The following SHROOM3 variants were observed in gnomAD, a reference collection of about 807,000 sequenced individuals.
The protein encoded by SHROOM3 is protein Shroom3.
A neutral mutation model predicts 138.6 loss-of-function variants in SHROOM3; 47 were observed. The observed-to-expected ratio is 0.34, with a 90% CI of 0.27 to 0.43. The LOEUF (loss-of-function observed/expected upper bound fraction) is 0.43, where lower values mean the gene tolerates loss of function less well. Among genes scored for constraint, SHROOM3 ranks in the 20% least tolerant of loss-of-function variants. SHROOM3 has a pLI of 1.00. For synonymous variants in SHROOM3, 1,062 were observed against 1,063.3 expected (o/e 1.00, Z 0.02); for missense variants, 2,491 against 2,596.5 (o/e 0.96, Z 0.88).
At chr4:76,543,065 C>A (rs1733139919) in intron 1 of SHROOM3, among the ~76,000 whole-genome samples, 1 of 152,212 alleles carries the variant, frequency 6.6e-6, no homozygotes, top group Non-Finnish European at 1.5e-5. Context: ...AACGCTGAAT[C>A]CCTGGGACCA....
At chr4:76,689,835 C>A in intron 2 of SHROOM3, 2 of 818,478 alleles carry the variant, frequency 2.4e-6, no homozygotes, top group Non-Finnish European at 3.0e-6. Flanking sequence ...GGGGCTTTCA[C>A]GGCCAGCACC....
At chr4:76,574,665 A>G (rs1733902147) in intron 2 of SHROOM3, among the ~76,000 whole-genome samples, 2 of 152,232 alleles carry the variant, frequency 1.3e-5, no homozygotes, top group South Asian at 4.1e-4. Flanking sequence ...ATTCTGATAT[A>G]TGCTACAACA....
intron 2 of SHROOM3, among the ~76,000 whole-genome samples, chr4:76,631,056 G>A (rs1419312711): frequency 1.3e-5 from 2 of 152,150 alleles, no homozygotes; most frequent in African/African-American, 4.8e-5. Flanking sequence ...ATAGGGGTAT[G>A]CAGACAACAA....
rs182439382 is a variant in SHROOM3, at chr4:76,585,711, T to C, written c.323+29948T>C. Among the ~76,000 whole-genome samples the C allele has an allele frequency of 1.1e-4, 17 of 152,276 alleles. No homozygotes were observed. In the East Asian group the frequency reaches 3.3e-3, roughly 29 times the overall value. On this transcript the variant is annotated intron_variant, in intron 2 of 10. Coordinates refer to ENST00000296043, the MANE Select transcript of SHROOM3 (RefSeq NM_020859.4). ...TGAGCAGCATCTTTATTATAAATGA[T>C]CTATTTTTATGTCTGTGGTGATTTT...
At chr4:76,768,246 T>C (rs949000855) in intron 9 of SHROOM3, among the ~76,000 whole-genome samples, 1 of 152,226 alleles carries the variant, frequency 6.6e-6, no homozygotes, top group Admixed American at 6.5e-5. Context: ...AGTGTTTATT[T>C]TTCCTGCTGC....
Position 76,741,023 on chromosome 4 carries a change from G to T in SHROOM3, c.2850G>T (p.Ala950=). The change falls in exon 5 of 11, where the codon GCG becomes GCT. Residue 950 remains alanine (A), a synonymous_variant. Coordinates refer to ENST00000296043, the MANE Select transcript of SHROOM3 (RefSeq NM_020859.4). The surrounding 1 kb of genome is among the most constrained non-coding windows in gnomAD (Gnocchi z 6.2). ...GACGTCGAGACCTGGAGCTGGGGGC[G>T]CCCGTGGCGTCGAGGTCCTGGCGGC... ...SFRRRDLELG[A]PVASRSWRPR... 1 of 1,485,032 alleles carries T rather than the reference G, an allele frequency of 6.7e-7. No individual in the cohort carries two copies. The highest frequency in any genetic ancestry group is 1.4e-5 in the South Asian group (1 of 70,874). The allele number at this position is 1,485,032 out of a possible 1,614,324, so 92.0% of individuals were successfully genotyped here. A position where few individuals can be genotyped will look rare whatever the true frequency, so the allele number is the denominator to read the frequency against.
At chr4:76,670,224 G>A (rs1053430363) in intron 2 of SHROOM3, among the ~76,000 whole-genome samples, 3 of 152,214 alleles carry the variant, frequency 2.0e-5, no homozygotes, top group African/African-American at 7.2e-5. Flanking sequence ...AAAATGAAAT[G>A]TTGTATTTCT....
chr4:76,499,898 C>T (rs1353818273), intron 1 of SHROOM3, among the ~76,000 whole-genome samples: 1 of 152,132 alleles, frequency 6.6e-6, no homozygotes, highest in African/African-American at 2.4e-5. Context: ...ATGTGAAGGG[C>T]AAAGCTTAAA....
chr4:76,650,085 A>T (rs1054517574), intron 2 of SHROOM3, among the ~76,000 whole-genome samples: 1 of 152,124 alleles, frequency 6.6e-6, no homozygotes, highest in African/African-American at 2.4e-5. Flanking sequence ...GAGCTCTCCA[A>T]TGTCTCTACT....
At chr4:76,672,582 TTTG>T (rs1347179053) in intron 2 of SHROOM3, among the ~76,000 whole-genome samples, 1 of 151,768 alleles carries the variant, frequency 6.6e-6, no homozygotes, top group Non-Finnish European at 1.5e-5. Context: ...ATGCATTTTT[TTTG>T]TTTTTTAGAC....
intron 2 of SHROOM3, among the ~76,000 whole-genome samples, chr4:76,562,567 G>A (rs57302875): frequency 1.3e-5 from 2 of 152,046 alleles, no homozygotes; most frequent in African/African-American, 2.4e-5. Context: ...TAATAAAAAG[G>A]GTTGTGCAAA....
intron 1 of SHROOM3, among the ~76,000 whole-genome samples, chr4:76,548,021 G>A (rs577509697): frequency 9.0e-4 from 136 of 150,394 alleles, no homozygotes; most frequent in Non-Finnish European, 1.6e-3. Context: ...AGTATTAGGG[G>A]AGGCTGAAAT....
chr4:76,670,673 G>T (rs1490990925), intron 2 of SHROOM3, among the ~76,000 whole-genome samples: 1 of 152,156 alleles, frequency 6.6e-6, no homozygotes. Context: ...AGAGATTTTG[G>T]CTAGGTGCAG....
At chr4:76,559,538 T>C (rs1013944970) in intron 2 of SHROOM3, 1 of 152,170 alleles carries the variant, frequency 6.6e-6, no homozygotes, top group African/African-American at 2.4e-5. Flanking sequence ...GGAAGGAATG[T>C]CTGTTTCATG....
intron 1 of SHROOM3, among the ~76,000 whole-genome samples, chr4:76,439,666 A>T (rs770313602): frequency 1.8e-4 from 28 of 152,144 alleles, no homozygotes; most frequent in Non-Finnish European, 3.8e-4. Context: ...ATTGTAGGGG[A>T]AGGGAAGGGA....
chr4:76,445,933 T>A (rs1730796107), intron 1 of SHROOM3, among the ~76,000 whole-genome samples: 1 of 152,128 alleles, frequency 6.6e-6, no homozygotes, highest in Non-Finnish European at 1.5e-5. Context: ...CATAGTAACT[T>A]AGGGAATGAT....
chr4:76,515,154 G>T (rs967285349), intron 1 of SHROOM3, among the ~76,000 whole-genome samples: 3 of 150,710 alleles, frequency 2.0e-5, no homozygotes, highest in Non-Finnish European at 2.9e-5. Context: ...GGTAGAAGTT[G>T]CAGTGAGCTG....
At chr4:76,662,282 A>T (rs1306313357) in intron 2 of SHROOM3, among the ~76,000 whole-genome samples, 2 of 152,092 alleles carry the variant, frequency 1.3e-5, no homozygotes, top group African/African-American at 4.8e-5. Context: ...TGGTTGTAGG[A>T]TGAAGTCCCC....
At chr4:76,606,065 G>A (rs1233261643) in intron 2 of SHROOM3, among the ~76,000 whole-genome samples, 1 of 138,226 alleles carries the variant, frequency 7.2e-6, no homozygotes, top group Non-Finnish European at 1.5e-5. Context: ...CCAGGCTGGA[G>A]TGCAGTGGTG....
Sources: allele counts gnomAD v4.1 joint callset (sites outside exome capture counted in the v4.1 genomes callset), GRCh38; gene constraint gnomAD v4.1.1; non-coding constraint Gnocchi (gnomAD v3.1); transcripts MANE v1.5; gene names NCBI Gene and HGNC (gene_info 2026-07-23, HGNC 2026-07-21).